The following UPF2 variants were observed in gnomAD, a reference collection of about 807,000 sequenced individuals.
UPF2 encodes the protein regulator of nonsense transcripts 2.
In UPF2, 17 loss-of-function variants were observed where a neutral mutation model predicts 141.4. The observed-to-expected ratio is 0.12, with a 90% CI of 0.08 to 0.18. The LOEUF is 0.18. Among genes scored for constraint, UPF2 ranks in the 10% least tolerant of loss-of-function variants. The probability of loss-of-function intolerance (pLI) is 1.00; values close to 1 mark genes in which losing one functional copy is unlikely to be tolerated. For synonymous variants in UPF2, 540 were observed against 498.0 expected (o/e 1.08, Z -1.12); for missense variants, 1,152 against 1,515.9 (o/e 0.76, Z 3.99).
chr10:11,965,772 T>A (rs1250553478), intron 10 of UPF2, among the ~76,000 whole-genome samples: 1 of 152,126 alleles, frequency 6.6e-6, no homozygotes, highest in African/African-American at 2.4e-5. Context: ...ATTAGTATTT[T>A]AAAAACTCTA....
chr10:12,038,358 C>T (rs575470073), intron 1 of UPF2, among the ~76,000 whole-genome samples: 7 of 143,250 alleles, frequency 4.9e-5, no homozygotes, highest in African/African-American at 1.0e-4. Context: ...CCAGCATGGG[C>T]GACAGAGTGA....
At chr10:12,041,356 C>A in intron 1 of UPF2, among the ~76,000 whole-genome samples, 1 of 151,906 alleles carries the variant, frequency 6.6e-6, no homozygotes, top group South Asian at 2.1e-4. Flanking sequence ...TTCAGACTAC[C>A]CTTAAAAGGA....
intron 11 of UPF2, among the ~76,000 whole-genome samples, chr10:11,963,554 T>C (rs1255361544): frequency 6.6e-6 from 1 of 152,208 alleles, no homozygotes; most frequent in Non-Finnish European, 1.5e-5. Context: ...CCAAGGCTGG[T>C]ATTTTGTAAG....
Position 12,005,088 on chromosome 10 carries a change from G to A in UPF2, c.1307-361C>T, listed in dbSNP as rs138332179. ...GCCACTCCTAAGACATCCGTTTAAA[G>A]TCCCACCTCCCCCATGAGTATTTTT... On this transcript the variant is annotated intron_variant, in intron 4 of 21. Transcript: ENST00000357604. Among the ~76,000 whole-genome samples the A allele has an allele frequency of 1.8e-3, 248 of 140,918 alleles. 1 individual carries two copies. Among genetic ancestry groups the A allele is most frequent in the African/African-American group, 6.0e-3 (229 of 38,280 alleles). 92.4% of individuals were successfully genotyped at this position (140,918 alleles called of 152,430 possible). A position where few individuals can be genotyped will look rare whatever the true frequency, so the allele number is the denominator to read the frequency against.
intron 8 of UPF2, among the ~76,000 whole-genome samples, chr10:11,996,119 T>G (rs1377494997): frequency 1.3e-5 from 2 of 152,132 alleles, no homozygotes; most frequent in Admixed American, 1.3e-4. Flanking sequence ...TGTTCACCCC[T>G]GTACTGTATC....
chr10:11,984,372 T>C (rs1464160113), intron 8 of UPF2, among the ~76,000 whole-genome samples: 2 of 152,194 alleles, frequency 1.3e-5, no homozygotes, highest in African/African-American at 4.8e-5. Flanking sequence ...TATCATCTGC[T>C]CATTTCTTAA....
At position 11,959,508 on chromosome 10, in the gene UPF2, C is replaced by CTGT; in HGVS notation, c.2185-153_2185-152insACA. ...GGCACTGTGGCTCACACCTATAATCCCAGCACTTTGGGAGACTGAGATTGC... is the reference window on the plus strand; with the variant it reads ...GGCACTGTGGCTCACACCTATAATCCTGTCAGCACTTTGGGAGACTGAGATTGC... On this transcript the variant is annotated intron_variant, in intron 11 of 21. Coordinates refer to ENST00000357604, the MANE Select transcript of UPF2 (RefSeq NM_015542.4). This position sits in a 1 kb window ranked among gnomAD's most constrained non-coding sequence, Gnocchi z 5.9. 1.3e-6 allele frequency: 1 copy of CTGT among 762,984 alleles called. No homozygotes were observed. 47.3% of individuals were successfully genotyped at this position (762,984 alleles called of 1,614,324 possible).
At position 11,920,983 on chromosome 10, in the gene UPF2, G is replaced by A. The variant is rs766747203; in HGVS notation, c.*315C>T. 4.9e-6 allele frequency: 3 copies of A among 608,446 alleles called. No homozygotes were observed. The highest frequency in any genetic ancestry group is 9.7e-6 in the Non-Finnish European group (3 of 309,442). The allele number at this position is 608,446 out of a possible 1,614,324, so 37.7% of individuals were successfully genotyped here. A position where few individuals can be genotyped will look rare whatever the true frequency, so the allele number is the denominator to read the frequency against. ...TCTCTGGCTCAATCATCTCCTTCAC[G>A]CTCTCCTTGGTGTAACTGCTCAGTA... On this transcript the variant is annotated 3_prime_UTR_variant, in exon 22 of 22. Coordinates refer to ENST00000357604, the MANE Select transcript of UPF2 (RefSeq NM_015542.4).
intron 11 of UPF2, among the ~76,000 whole-genome samples, chr10:11,962,473 C>T (rs1447238422): frequency 6.6e-6 from 1 of 152,076 alleles, no homozygotes; most frequent in Non-Finnish European, 1.5e-5. Flanking sequence ...ACCAAGTCTC[C>T]TCAGTTCTAC....
intron 4 of UPF2, among the ~76,000 whole-genome samples, chr10:12,010,053 A>C (rs899466144): frequency 6.6e-6 from 1 of 152,206 alleles, no homozygotes; most frequent in Non-Finnish European, 1.5e-5. Context: ...AAAGTCCAGA[A>C]AGATACTGCC....
intron 15 of UPF2, among the ~76,000 whole-genome samples, chr10:11,951,166 G>T (rs918177687): frequency 6.6e-6 from 1 of 152,076 alleles, no homozygotes; most frequent in African/African-American, 2.4e-5. Flanking sequence ...GGGTTCAAGC[G>T]ATTCTCCTGC....
rs909246640 is a variant in UPF2, at chr10:12,042,477, G to A, written c.-19+278C>T. 1.3e-5 allele frequency among the ~76,000 whole-genome samples: 2 copies of A among 151,846 alleles called. No individual in the cohort carries two copies. The highest frequency in any genetic ancestry group is 4.8e-5 in the African/African-American group (2 of 41,328). ...CCGCGGGCTCCCCGCCTCCAGTCTCGAGGCCCGGCCCAGGCATGTGGGGCA... is the reference window on the plus strand; with the variant it reads ...CCGCGGGCTCCCCGCCTCCAGTCTCAAGGCCCGGCCCAGGCATGTGGGGCA... On this transcript the variant is annotated intron_variant, in intron 1 of 21. Transcript: ENST00000357604. This position sits in a 1 kb window ranked among gnomAD's most constrained non-coding sequence, Gnocchi z 5.5.
intron 1 of UPF2, among the ~76,000 whole-genome samples, chr10:12,036,815 C>T (rs908139049): frequency 9.9e-5 from 15 of 152,144 alleles, no homozygotes; most frequent in African/African-American, 2.4e-4. Flanking sequence ...TACCTGAAGT[C>T]GAGAGTTCGA....
intron 21 of UPF2, among the ~76,000 whole-genome samples, chr10:11,925,729 G>T (rs934812931): frequency 6.6e-6 from 1 of 152,216 alleles, no homozygotes; most frequent in Non-Finnish European, 1.5e-5. Context: ...TTCTCCAGGG[G>T]AACAGCTGGA....
At position 11,955,344 on chromosome 10, in the gene UPF2, G is replaced by A. The variant is rs1833131769; in HGVS notation, c.2738C>T (p.Pro913Leu). The A allele has an allele frequency of 6.2e-7, 1 of 1,614,166 alleles. No individual in the cohort carries two copies. Among genetic ancestry groups the A allele is most frequent in the Non-Finnish European group, 8.5e-7 (1 of 1,180,018 alleles). Residue 913 changes from proline to leucine, a missense_variant, in exon 14 of 22, where the codon CCT becomes CTT. By Grantham distance (98) the Pro-to-Leu change is moderately conservative (BLOSUM62 -3). This residue lies in a region of UPF2 where 739 missense variants were observed against 1,032.2 expected (regional missense o/e 0.72). Transcript: ENST00000357604. ...GAGTCTAATTCTGAAAAGATGCTCAGGTGGGTCCAGGGAACTTGGAGAGCC... is the reference window on the plus strand; with the variant it reads ...GAGTCTAATTCTGAAAAGATGCTCAAGTGGGTCCAGGGAACTTGGAGAGCC... Reference protein sequence around the residue: ...PDGSPSSLDPPEHLFRIRLVC... With the variant: ...PDGSPSSLDPLEHLFRIRLVC...
chr10:11,921,025 C>A lies in UPF2; in HGVS notation c.*273G>T, dbSNP rs1001711587. ...TGCTCAGTAGTCAAGTGAACCATCT[C>A]ATTTCTTGACTGCCATTCTCAAGAG... is the stretch of plus-strand genomic sequence containing the variant. On this transcript the variant is annotated 3_prime_UTR_variant, in exon 22 of 22. Coordinates refer to ENST00000357604, the MANE Select transcript of UPF2 (RefSeq NM_015542.4). This position sits in a 1 kb window ranked among gnomAD's most constrained non-coding sequence, Gnocchi z 5.9. 6 of 687,444 alleles carry A rather than the reference C, an allele frequency of 8.7e-6. No individual in the cohort carries two copies. Among genetic ancestry groups the A allele is most frequent in the Admixed American group, 3.6e-5 (2 of 56,028 alleles). 42.6% of individuals were successfully genotyped at this position (687,444 alleles called of 1,614,324 possible).
In UPF2 at chr10:11,959,576, A is replaced by G. The variant is rs1211985443; in HGVS notation, c.2185-220T>C. On this transcript the variant is annotated intron_variant, in intron 11 of 21. Coordinates refer to ENST00000357604, the MANE Select transcript of UPF2 (RefSeq NM_015542.4). This position sits in a 1 kb window ranked among gnomAD's most constrained non-coding sequence, Gnocchi z 5.9. ...GGAGTTCAAGACCAGCTTGGGCAAC[A>G]TGATGAAACCCCATCTCTACAAAAG... 6.6e-6 allele frequency among the ~76,000 whole-genome samples: 1 copy of G among 152,142 alleles called. No homozygotes were observed. The highest frequency in any genetic ancestry group is 6.6e-5 in the Admixed American group (1 of 15,266).
chr10:12,012,516 A>T (rs1211532042), intron 4 of UPF2, among the ~76,000 whole-genome samples: 7 of 152,204 alleles, frequency 4.6e-5, no homozygotes. Context: ...ACAGTGGCTC[A>T]CGCCTGTTAT....
In UPF2 at chr10:11,953,930, T is replaced by G. The variant is rs1228250469; in HGVS notation, c.2850+1302A>C. Among the ~76,000 whole-genome samples the G allele has an allele frequency of 1.3e-5, 2 of 152,204 alleles. No homozygotes were observed. Among genetic ancestry groups the G allele is most frequent in the Non-Finnish European group, 2.9e-5 (2 of 68,034 alleles). On this transcript the variant is annotated intron_variant, in intron 14 of 21. Coordinates refer to ENST00000357604, the MANE Select transcript of UPF2 (RefSeq NM_015542.4). This position sits in a 1 kb window ranked among gnomAD's most constrained non-coding sequence, Gnocchi z 5.0. Reference sequence around the variant, plus strand: ...TGTATTTTTGATACTTCAAGTTACATTAAACTTATTTTCTTCATAATGGGT... The same window carrying G: ...TGTATTTTTGATACTTCAAGTTACAGTAAACTTATTTTCTTCATAATGGGT...
Sources: gnomAD v4.1 joint callset for allele counts (sites outside exome capture counted in the v4.1 genomes callset) on GRCh38, gnomAD v4.1.1 for gene constraint, gnomAD v4.1.1 regional missense constraint, Gnocchi (gnomAD v3.1) non-coding constraint, MANE v1.5 for transcripts, NCBI Gene and HGNC (gene_info 2026-07-23, HGNC 2026-07-21) for gene names.